The following MVB12B variants were observed in gnomAD, a reference collection of about 807,000 sequenced individuals.
MVB12B encodes the protein multivesicular body subunit 12B, also known as ESCRT-I complex subunit MVB12B.
Under a neutral mutation model 41.6 loss-of-function variants are expected in MVB12B, and 16 were observed. The ratio of observed to expected loss-of-function variants is 0.38; its 90% confidence interval spans 0.26 to 0.58. The LOEUF is 0.58. Among genes scored for constraint, MVB12B ranks in the 20% least tolerant of loss-of-function variants. The probability of loss-of-function intolerance (pLI) is 0.62; values close to 1 mark genes in which losing one functional copy is unlikely to be tolerated. For synonymous variants in MVB12B, 133 were observed against 139.7 expected, an observed-to-expected ratio of 0.95 and a Z score of 0.34; for missense variants, 274 against 380.2, an observed-to-expected ratio of 0.72 and a Z score of 2.32.
chr9:126,357,710 T>C (rs1378332059), intron 2 of MVB12B, among the ~76,000 whole-genome samples: 1 of 152,220 alleles, frequency 6.6e-6, no homozygotes, highest in African/African-American at 2.4e-5. Context: ...AAAGGGTTCT[T>C]TGTATATTTT....
In MVB12B at chr9:126,486,964, T is replaced by A. The variant is rs996220880; in HGVS notation, c.873+2932T>A. On this transcript the variant is annotated intron_variant, in intron 9 of 9. Transcript: ENST00000361171. This position sits in a 1 kb window ranked among gnomAD's most constrained non-coding sequence, Gnocchi z 4.7. ...CCAGTGTGGGGTCCAGGGCGGGTGGTGGGAACCCTGCAAACCTTATTCTCT... is the reference window on the plus strand; with the variant it reads ...CCAGTGTGGGGTCCAGGGCGGGTGGAGGGAACCCTGCAAACCTTATTCTCT... Among the ~76,000 whole-genome samples the A allele has an allele frequency of 2.0e-5, 3 of 151,972 alleles. No individual in the cohort carries two copies. Among genetic ancestry groups the A allele is most frequent in the African/African-American group, 4.8e-5 (2 of 41,372 alleles).
intron 2 of MVB12B, among the ~76,000 whole-genome samples, chr9:126,344,508 C>T (rs1032146933): frequency 5.9e-5 from 9 of 152,242 alleles, no homozygotes; most frequent in Non-Finnish European, 1.0e-4. Context: ...CCTGCTACCA[C>T]ATGGCGCCTT....
At chr9:126,413,849 T>TGTGCGTGTGC (rs148914544) in intron 6 of MVB12B, among the ~76,000 whole-genome samples, 1 of 148,516 alleles carries the variant, frequency 6.7e-6, no homozygotes. Flanking sequence ...TGTGTGTGTG[T>TGTGCGTGTGC]GTGTATAAGG....
intron 6 of MVB12B, among the ~76,000 whole-genome samples, chr9:126,416,433 G>A (rs938688236): frequency 6.6e-6 from 1 of 152,196 alleles, no homozygotes; most frequent in Non-Finnish European, 1.5e-5. Flanking sequence ...CTCCCTGGGT[G>A]TGCGATCGGG....
intron 1 of MVB12B, among the ~76,000 whole-genome samples, chr9:126,329,923 G>A (rs1171232274): frequency 1.3e-5 from 1 of 79,468 alleles, no homozygotes; most frequent in Admixed American, 1.4e-4. Context: ...AACCCACCCC[G>A]CCCCCAACCC....
rs1183149120 is a variant in MVB12B, at chr9:126,503,328, C to T, written c.*65C>T. 1.5e-6 allele frequency: 2 copies of T among 1,358,372 alleles called. No homozygotes were observed. Among genetic ancestry groups the T allele is most frequent in the African/African-American group, 1.4e-5 (1 of 69,326 alleles). The allele number at this position is 1,358,372 out of a possible 1,614,324, so 84.1% of individuals were successfully genotyped here. On this transcript the variant is annotated 3_prime_UTR_variant, in exon 10 of 10. Transcript: ENST00000361171. ...GACTACTGACGGCAGGGGCTGCTGC[C>T]CCCGCCTCCTCCTGCCGCCTCCGCC...
In MVB12B at chr9:126,504,372, A is replaced by G. The variant is rs1834023936; in HGVS notation, c.*1109A>G. The G allele has an allele frequency of 6.6e-6, 1 of 152,176 alleles. No individual in the cohort carries two copies. Among genetic ancestry groups the G allele is most frequent in the African/African-American group, 2.4e-5 (1 of 41,416 alleles). 9.4% of individuals were successfully genotyped at this position (152,176 alleles called of 1,614,324 possible). On this transcript the variant is annotated 3_prime_UTR_variant, in exon 10 of 10. Transcript: ENST00000361171. Reference sequence around the variant, plus strand: ...AGGCCCTCACCCGAAGGGCTGCCTCACTCTGTGGTGTCAGGCACTGGGCTG... The same window carrying G: ...AGGCCCTCACCCGAAGGGCTGCCTCGCTCTGTGGTGTCAGGCACTGGGCTG...
chr9:126,362,157 A>T (rs1830046826), intron 2 of MVB12B, among the ~76,000 whole-genome samples: 2 of 152,158 alleles, frequency 1.3e-5, no homozygotes, highest in African/African-American at 4.8e-5. Context: ...TACAGTTTTC[A>T]TCAAATTTGT....
At chr9:126,336,328 A>G (rs186717665) in intron 1 of MVB12B, among the ~76,000 whole-genome samples, 3 of 152,360 alleles carry the variant, frequency 2.0e-5, no homozygotes, top group South Asian at 4.1e-4. Context: ...TTTCTCCCAG[A>G]CTGGGGCCGG....
chr9:126,431,024 G>T (rs1467360644), intron 7 of MVB12B, among the ~76,000 whole-genome samples: 2 of 152,222 alleles, frequency 1.3e-5, no homozygotes, highest in African/African-American at 2.4e-5. Context: ...CCCCTACAGG[G>T]ATGTGATCCA....
At chr9:126,361,353 CT>C (rs1292063166) in intron 2 of MVB12B, among the ~76,000 whole-genome samples, 1 of 152,166 alleles carries the variant, frequency 6.6e-6, no homozygotes, top group Non-Finnish European at 1.5e-5. Context: ...TGTTCCTCTT[CT>C]AGCCCTTGTG....
rs1833470593 is a variant in MVB12B, at chr9:126,478,911, CTAA to C, written c.758-2454_758-2452del. On this transcript the variant is annotated intron_variant, in intron 7 of 9. Coordinates refer to ENST00000361171, the MANE Select transcript of MVB12B (RefSeq NM_033446.3). This position sits in a 1 kb window ranked among gnomAD's most constrained non-coding sequence, Gnocchi z 4.2. Reference sequence around the variant, plus strand: ...AGAGGCAGTTCTTCACTCCCAAATACTAATAAGGTCTTTAAAACATCAGAGGCA... The same window carrying C: ...AGAGGCAGTTCTTCACTCCCAAATACTAAGGTCTTTAAAACATCAGAGGCA... 6.6e-6 allele frequency among the ~76,000 whole-genome samples: 1 copy of C among 152,170 alleles called. No individual in the cohort carries two copies. The highest frequency in any genetic ancestry group is 2.4e-5 in the African/African-American group (1 of 41,434).
chr9:126,397,957 A>AG (rs1490047159), intron 6 of MVB12B, among the ~76,000 whole-genome samples: 1 of 151,906 alleles, frequency 6.6e-6, no homozygotes, highest in East Asian at 1.9e-4. Context: ...CTATAGGGTA[A>AG]GGCAGGCCCC....
At chr9:126,387,860 C>T (rs2118985376) in intron 4 of MVB12B, among the ~76,000 whole-genome samples, 1 of 152,272 alleles carries the variant, frequency 6.6e-6, no homozygotes, top group Non-Finnish European at 1.5e-5. Context: ...GATTAAAGAA[C>T]TTAGCCAAGG....
intron 2 of MVB12B, among the ~76,000 whole-genome samples, chr9:126,352,804 A>G (rs1829788584): frequency 6.6e-6 from 1 of 152,238 alleles, no homozygotes; most frequent in Non-Finnish European, 1.5e-5. Context: ...ATTCAGAGTT[A>G]GCCAGAGAAT....
chr9:126,389,477 T>C lies in MVB12B; in HGVS notation c.410-2589T>C, dbSNP rs1215821350. ...CTTTCTCTGTGTTCATTAGCATGAC[T>C]GAACACATTTCTATTGACTATGTAT... is the stretch of plus-strand genomic sequence containing the variant. On this transcript the variant is annotated intron_variant, in intron 4 of 9. Transcript: ENST00000361171. The surrounding 1 kb of genome is among the most constrained non-coding windows in gnomAD (Gnocchi z 4.4). Among the ~76,000 whole-genome samples the C allele has an allele frequency of 1.3e-5, 2 of 152,236 alleles. No individual in the cohort carries two copies. The highest frequency in any genetic ancestry group is 1.3e-4 in the Admixed American group (2 of 15,278).
At position 126,486,683 on chromosome 9, in the gene MVB12B, G is replaced by A. The variant is rs7023712; in HGVS notation, c.873+2651G>A. Among the ~76,000 whole-genome samples the A allele has an allele frequency of 0.22, 34,044 of 152,138 alleles. 4,112 individuals carry two copies. Among genetic ancestry groups the A allele is most frequent in the African/African-American group, 0.32 (13,101 of 41,478 alleles). ...GCCTGGGGCCTGAGGCTTTCCATAC[G>A]TGATCACTGGTTCCTACCCCAGGCC... is the stretch of plus-strand genomic sequence containing the variant. On this transcript the variant is annotated intron_variant, in intron 9 of 9. Transcript: ENST00000361171. The surrounding 1 kb of genome is among the most constrained non-coding windows in gnomAD (Gnocchi z 4.7).
intron 2 of MVB12B, among the ~76,000 whole-genome samples, chr9:126,353,009 G>A (rs1457841875): frequency 3.9e-5 from 6 of 152,176 alleles, no homozygotes; most frequent in Non-Finnish European, 8.8e-5. Context: ...AGTATTAAAA[G>A]GCTGTTTGCA....
chr9:126,440,366 G>C (rs900383902), intron 7 of MVB12B, among the ~76,000 whole-genome samples: 2 of 152,228 alleles, frequency 1.3e-5, no homozygotes, highest in Admixed American at 1.3e-4. Flanking sequence ...AAAGGAGGCT[G>C]TTGCTGAACT....
Sources: gnomAD v4.1 joint callset for allele counts (sites outside exome capture counted in the v4.1 genomes callset) on GRCh38, gnomAD v4.1.1 for gene constraint, Gnocchi (gnomAD v3.1) non-coding constraint, MANE v1.5 for transcripts, NCBI Gene and HGNC (gene_info 2026-07-23, HGNC 2026-07-21) for gene names.